The following CTCFL variants were observed in gnomAD, a reference collection of about 807,000 sequenced individuals.
CTCFL encodes CCCTC-binding factor like.
CTCFL carries 36 observed loss-of-function variants against 67.4 expected under a neutral mutation model. The observed-to-expected ratio is 0.53, with a 90% confidence interval of 0.41 to 0.71. CTCFL has a LOEUF of 0.71. Ranked by LOEUF, CTCFL falls within the 30% of genes least tolerant of loss-of-function variation. The pLI is 0.00. For missense variants in CTCFL, 786 were observed against 835.2 expected, an observed-to-expected ratio of 0.94 and a Z score of 0.73; for synonymous variants, 324 against 302.3, an observed-to-expected ratio of 1.07 and a Z score of -0.75.
chr20:57,518,624 T>C, intron 5 of CTCFL, 134 bp downstream of exon 5: 3 of 1,558,760 alleles, frequency 1.9e-6, no homozygotes, highest in Non-Finnish European at 2.6e-6. Flanking sequence ...ATGCATATTA[T>C]TTCCTGCATA....
intron 8 of CTCFL, among the ~76,000 whole-genome samples, chr20:57,509,258 T>G (rs1308097386): frequency 6.6e-6 from 1 of 151,760 alleles, no homozygotes; most frequent in South Asian, 2.1e-4. Context: ...TACTTCCCAA[T>G]AGTATCGTAA....
rs755224042 is a variant in CTCFL, at chr20:57,514,680, T to A, written c.1242A>T (p.Lys414Asn). Residue 414 changes from lysine to asparagine, a missense_variant, in exon 7 of 11, where the codon AAA becomes AAT. Around this residue, in one of 3 missense-constraint regions of CTCFL, gnomAD observed 254 missense variants for 333.9 expected, o/e 0.76. Transcript: ENST00000243914. ...HTRFTQSGTM[K>N]IHILQKHGEN... ...CGCCGTGTTTCTGCAGAATATGTAT[T>A]TTCATGGTCCCGCTCTGGGTGAAGC... 6.2e-7 allele frequency: 1 copy of A among 1,614,196 alleles called. No individual in the cohort carries two copies. Among genetic ancestry groups the A allele is most frequent in the South Asian group, 1.1e-5 (1 of 91,084 alleles).
chr20:57,517,375 C>A (rs113641016), intron 5 of CTCFL, among the ~76,000 whole-genome samples: 1 of 149,418 alleles, frequency 6.7e-6, no homozygotes, highest in Non-Finnish European at 1.5e-5. Context: ...TTCCCAAGTT[C>A]AAGTGATTTT....
chr20:57,500,267 CAT>C, intron 10 of CTCFL: 1 of 909,078 alleles, frequency 1.1e-6, no homozygotes, highest in Non-Finnish European at 1.5e-6. Flanking sequence ...GAGTGAGAGA[CAT>C]GGTAAAACCC....
rs1160078783 is a variant in CTCFL at position 57,503,465 on chromosome 20, T to G, written c.1811A>C (p.Lys604Thr). ...TCCGTTCGCGGCTTCCTTCCATCCC[T>G]TCGCAGCTTCCTTCTGACCCTTTGT... Reference protein sequence around the residue: ...EATKGQKEAAKGWKEAANGDE... With the variant: ...EATKGQKEAATGWKEAANGDE... The change falls in exon 10 of 11, where the codon AAG becomes ACG. Residue 604 changes from lysine to threonine, a missense_variant. This residue lies in a region of CTCFL where 199 missense variants were observed against 196.7 expected (regional missense o/e 1.01). Coordinates refer to ENST00000243914, the MANE Select transcript of CTCFL (RefSeq NM_001386993.1). 6.2e-7 allele frequency: 1 copy of G among 1,614,200 alleles called. No individual in the cohort carries two copies. The highest frequency in any genetic ancestry group is 2.2e-5 in the East Asian group (1 of 44,880).
In CTCFL at chr20:57,497,475, G is replaced by A; in HGVS notation, c.*1075C>T. On this transcript the variant is annotated 3_prime_UTR_variant, in exon 11 of 11. Transcript: ENST00000243914. ...TTATCAATGATCTTGAAATACAGGGGTGGAGACAGGTTGGCAGCAAAACAA... is the reference window on the plus strand; with the variant it reads ...TTATCAATGATCTTGAAATACAGGGATGGAGACAGGTTGGCAGCAAAACAA... The A allele has an allele frequency of 2.0e-6, 2 of 985,440 alleles. No individual in the cohort carries two copies. Among genetic ancestry groups the A allele is most frequent in the Non-Finnish European group, 2.4e-6 (2 of 829,930 alleles). 61.0% of individuals were successfully genotyped at this position (985,440 alleles called of 1,614,324 possible).
intron 9 of CTCFL, among the ~76,000 whole-genome samples, chr20:57,503,879 C>T (rs139709165): frequency 6.1e-5 from 9 of 148,756 alleles, no homozygotes; most frequent in East Asian, 2.0e-4. Flanking sequence ...CCCCGGAGGT[C>T]GAGGCTGCAG....
intron 2 of CTCFL, 85 bp downstream of exon 2, chr20:57,523,578 C>T (rs1244498935): frequency 6.6e-7 from 1 of 1,517,242 alleles, no homozygotes; most frequent in Non-Finnish European, 8.8e-7. Context: ...CTGCAAAATA[C>T]CTTGTCCAGA....
chr20:57,523,047 CTA>C lies in CTCFL; in HGVS notation c.754+19_754+20del. The stretch of plus-strand genomic sequence containing the variant: ...GCAGCCCAGTTTTAGGGAGTGTATT[CTA>C]TGAGATGAACTGGCCTACCCTTTGT... On this transcript the variant is annotated intron_variant, in intron 3 of 10. Transcript: ENST00000243914. 1 of 1,600,632 alleles carries C rather than the reference CTA, an allele frequency of 6.2e-7. No individual in the cohort carries two copies. Among genetic ancestry groups the C allele is most frequent in the Non-Finnish European group, 8.5e-7 (1 of 1,170,398 alleles).
intron 7 of CTCFL, chr20:57,513,763 T>C: frequency 8.0e-7 from 1 of 1,242,570 alleles, no homozygotes; most frequent in Non-Finnish European, 1.0e-6. Flanking sequence ...CCAGAATCTC[T>C]TTGGGCAAAA....
In CTCFL at chr20:57,498,582, A is replaced by C; in HGVS notation, c.1960T>G (p.Cys654Gly). 6.2e-7 allele frequency: 1 copy of C among 1,613,934 alleles called. No individual in the cohort carries two copies. Among genetic ancestry groups the C allele is most frequent in the Non-Finnish European group, 8.5e-7 (1 of 1,179,912 alleles). Residue 654 changes from cysteine (C) to glycine (G), a missense_variant, in exon 11 of 11, where the codon TGT (cysteine) becomes GGT (glycine). By Grantham distance (159) the Cys-to-Gly change is radical. Coordinates refer to ENST00000243914, the MANE Select transcript of CTCFL (RefSeq NM_001386993.1). ...TCCATCGTGTTGAGGAGCATTTCACAGGTCACGCCTTCATCCACTTCCTCT... is the reference window on the plus strand; with the variant it reads ...TCCATCGTGTTGAGGAGCATTTCACCGGTCACGCCTTCATCCACTTCCTCT... Reference protein sequence around the residue: ...VKEEVDEGVTCEMLLNTMDK With the variant: ...VKEEVDEGVTGEMLLNTMDK
rs535347100 is a variant in CTCFL, at chr20:57,511,789, C to T, written c.1491+803G>A. ...GTATTTTTTAATAGAAACGGGGTTT[C>T]ACCATATTGGCCAGGCTGGTCTCAA... is the stretch of plus-strand genomic sequence containing the variant. On this transcript the variant is annotated intron_variant, in intron 8 of 10. Coordinates refer to ENST00000243914, the MANE Select transcript of CTCFL (RefSeq NM_001386993.1). 3.3e-5 allele frequency among the ~76,000 whole-genome samples: 5 copies of T among 152,252 alleles called. No homozygotes were observed. In the South Asian group the frequency reaches 1.0e-3, roughly 32 times the overall value.
At chr20:57,511,594 CCCT>C (rs1214103122) in intron 8 of CTCFL, among the ~76,000 whole-genome samples, 4 of 151,142 alleles carry the variant, frequency 2.6e-5, no homozygotes, top group South Asian at 4.2e-4. Context: ...CTAATCCCCC[CCCT>C]TTTTTTTTTT....
At chr20:57,521,617 A>G (rs1008160993) in intron 3 of CTCFL, among the ~76,000 whole-genome samples, 5 of 152,238 alleles carry the variant, frequency 3.3e-5, no homozygotes, top group Admixed American at 6.5e-5. Context: ...AAACTTGTAC[A>G]CAGATGGTCA....
downstream of CTCFL, chr20:57,497,132 G>T: frequency 1.8e-6 from 1 of 541,272 alleles, no homozygotes; most frequent in Non-Finnish European, 2.4e-6. Context: ...CAAAGAAGAT[G>T]TTTTTAAAGA....
In CTCFL at chr20:57,524,009, T is replaced by G. The variant is rs773959922; in HGVS notation, c.197A>C (p.Glu66Ala). The G allele has an allele frequency of 2.5e-6, 4 of 1,613,240 alleles. No homozygotes were observed. The highest frequency in any genetic ancestry group is 3.4e-6 in the Non-Finnish European group (4 of 1,179,964). Reference sequence around the variant, plus strand: ...CTCCTCCGAGGGGGCCAGCACCAGCTCCACTTCTTCCTCCAGGACGCTGTC... The same window carrying G: ...CTCCTCCGAGGGGGCCAGCACCAGCGCCACTTCTTCCTCCAGGACGCTGTC... Reference protein sequence around the residue: ...FQDSVLEEEVELVLAPSEESE... With the variant: ...FQDSVLEEEVALVLAPSEESE... Residue 66 changes from glutamate to alanine, a missense_variant, in exon 2 of 11, where the codon GAG (glutamate) becomes GCG (alanine). Glu to Ala is a moderately radical substitution (Grantham distance 107). This residue lies in a region of CTCFL where 333 missense variants were observed against 304.6 expected (regional missense o/e 1.09). Transcript: ENST00000243914.
At chr20:57,499,732 C>G (rs537640546) in intron 10 of CTCFL, 2 of 179,642 alleles carry the variant, frequency 1.1e-5, no homozygotes, top group African/African-American at 4.8e-5. Context: ...ATTAGATTCT[C>G]GTAAGGAGTG....
At chr20:57,520,250 A>C (rs2069251223) in intron 3 of CTCFL, among the ~76,000 whole-genome samples, 1 of 152,226 alleles carries the variant, frequency 6.6e-6, no homozygotes, top group Non-Finnish European at 1.5e-5. Flanking sequence ...CTTTCACCCC[A>C]GGCTTCAAGG....
chr20:57,523,401 A>G (rs557490653), intron 2 of CTCFL, 123 bp from the exon 3 acceptor site: 1 of 1,026,310 alleles, frequency 9.7e-7, no homozygotes, highest in African/African-American at 1.6e-5. Context: ...CACAATGTTA[A>G]TTATTTCGCA....
Sources: gnomAD v4.1 joint callset for allele counts (sites outside exome capture counted in the v4.1 genomes callset) on GRCh38, gnomAD v4.1.1 for gene constraint, gnomAD v4.1.1 regional missense constraint, MANE v1.5 for transcripts, NCBI Gene and HGNC (gene_info 2026-07-23, HGNC 2026-07-21) for gene names.